TCP11L2: variants seen among roughly 807,000 people sequenced by gnomAD.
The protein encoded by TCP11L2 is t-complex 11 like 2.
Under a neutral mutation model 50.7 loss-of-function variants are expected in TCP11L2, and 39 were observed. The ratio of observed to expected loss-of-function variants is 0.77; its 90% CI spans 0.60 to 1.01. TCP11L2 has a LOEUF of 1.01. Ranked by LOEUF, TCP11L2 falls within the 50% of genes least tolerant of loss-of-function variation. The pLI is 0.00. For missense variants in TCP11L2, 612 were observed against 614.7 expected (o/e 1.00, Z 0.05); for synonymous variants, 192 against 219.3 (o/e 0.88, Z 1.10).
In TCP11L2 at chr12:106,323,578, C is replaced by T. The variant is rs144695471; in HGVS notation, c.704C>T (p.Pro235Leu). The T allele has an allele frequency of 3.6e-4, 572 of 1,607,604 alleles. 1 individual carries two copies. Among genetic ancestry groups the T allele is most frequent in the Admixed American group, 4.2e-4 (25 of 58,858 alleles). ...AATTTTACAATTATGAGTCTCAGAC[C>T]GCACCTTCAACGCCAGTTGGTGGAA... ...MANFTIMSLR[P>L]HLQRQLVEYE... The change falls in exon 6 of 10, where the codon CCG becomes CTG. Residue 235 changes from proline to leucine, a missense_variant. By Grantham distance (98) the Pro-to-Leu change is moderately conservative. Transcript: ENST00000299045.
chr12:106,318,422 T>A lies in TCP11L2; in HGVS notation c.372T>A (p.Pro124=). The A allele has an allele frequency of 6.2e-7, 1 of 1,614,096 alleles. No individual in the cohort carries two copies. Among genetic ancestry groups the A allele is most frequent in the East Asian group, 2.2e-5 (1 of 44,886 alleles). The change falls in exon 4 of 10, where the codon CCT becomes CCA. Residue 124 remains proline (P), a synonymous_variant. Transcript: ENST00000299045. The part of the protein sequence containing the change: ...VLDSELNADP[P]EFEHAIKLFE... ...ATTCAGAACTAAATGCTGACCCTCC[T>A]GAGTTTGAACATGCCATCAAACTGT...
chr12:106,335,609 A>G lies in TCP11L2; in HGVS notation c.773-30A>G, dbSNP rs776988891. The G allele has an allele frequency of 8.1e-6, 13 of 1,608,356 alleles. No homozygotes were observed. In the South Asian group the frequency reaches 1.4e-4, roughly 18 times the overall value. The stretch of plus-strand genomic sequence containing the variant: ...ACCAGTGAAGGGATCAATCAGCTGT[A>G]GAACAAATATGTGGCCTTTTCACTC... On this transcript the variant is annotated intron_variant, in intron 6 of 9. Transcript: ENST00000299045.
At chr12:106,322,936 G>A (rs2035395328) in intron 5 of TCP11L2, among the ~76,000 whole-genome samples, 1 of 152,150 alleles carries the variant, frequency 6.6e-6, no homozygotes, top group African/African-American at 2.4e-5. Context: ...AGCGCCCACT[G>A]GGTGCCACTG....
intron 9 of TCP11L2, 63 bp downstream of exon 9, chr12:106,341,061 A>C: frequency 7.1e-7 from 1 of 1,403,094 alleles, no homozygotes; most frequent in Non-Finnish European, 9.7e-7. Context: ...ATTTTGACTA[A>C]CATTAAGTCA....
rs2034988939 is a variant in TCP11L2, at chr12:106,314,464, A to G, written c.264A>G (p.Gln88=). 16 of 1,613,294 alleles carry G rather than the reference A, an allele frequency of 9.9e-6. No individual in the cohort carries two copies. The highest frequency in any genetic ancestry group is 1.4e-5 in the Non-Finnish European group (16 of 1,179,548). ...AGATTGCTGTAAATGAGAACTTTCAATTGAAACAAGAGGCTCTCCCAGAAA... is the reference window on the plus strand; with the variant it reads ...AGATTGCTGTAAATGAGAACTTTCAGTTGAAACAAGAGGCTCTCCCAGAAA... ...AHEIAVNENF[Q]LKQEALPEKS... Residue 88 remains glutamine (Q), a synonymous_variant, in exon 3 of 10, where the codon CAA becomes CAG. Coordinates refer to ENST00000299045, the MANE Select transcript of TCP11L2 (RefSeq NM_152772.3).
intron 9 of TCP11L2, among the ~76,000 whole-genome samples, chr12:106,341,415 G>A (rs1421742229): frequency 2.0e-5 from 3 of 150,832 alleles, no homozygotes; most frequent in Non-Finnish European, 3.0e-5. Flanking sequence ...GAGACATAGT[G>A]TGTAGGCTTC....
chr12:106,343,685 T>A (rs1017762418), intron 9 of TCP11L2, among the ~76,000 whole-genome samples: 1 of 151,748 alleles, frequency 6.6e-6, no homozygotes. Flanking sequence ...GATGGAGTCT[T>A]GCTCTGTCGC....
intron 2 of TCP11L2, chr12:106,312,368 A>G (rs1010526593): frequency 8.9e-6 from 11 of 1,237,166 alleles, no homozygotes; most frequent in Non-Finnish European, 1.1e-5. Flanking sequence ...GGACCAAAGT[A>G]TATAGACATT....
chr12:106,311,640 A>T (rs1420277999), intron 2 of TCP11L2, among the ~76,000 whole-genome samples: 1 of 152,212 alleles, frequency 6.6e-6, no homozygotes, highest in Non-Finnish European at 1.5e-5. Context: ...GAAGGAAGTG[A>T]AATAATCTAA....
intron 6 of TCP11L2, among the ~76,000 whole-genome samples, chr12:106,330,730 G>A (rs1466289046): frequency 6.6e-6 from 1 of 152,166 alleles, no homozygotes; most frequent in Non-Finnish European, 1.5e-5. Flanking sequence ...GCTAGTCATG[G>A]CTGCTGGTGG....
chr12:106,311,002 A>G (rs1428451642), intron 1 of TCP11L2, 39 bp from the exon 2 acceptor site: 16 of 1,505,440 alleles, frequency 1.1e-5, no homozygotes, highest in Non-Finnish European at 1.5e-5. Flanking sequence ...CTGTGGAAGT[A>G]CCACAGAACA....
chr12:106,339,955 T>C (rs2036039973), intron 8 of TCP11L2, among the ~76,000 whole-genome samples: 1 of 152,246 alleles, frequency 6.6e-6, no homozygotes, highest in Admixed American at 6.5e-5. Flanking sequence ...ATGTGCCTGA[T>C]AATCTGCTAA....
At chr12:106,329,157 T>C (rs1346340512) in intron 6 of TCP11L2, among the ~76,000 whole-genome samples, 1 of 152,194 alleles carries the variant, frequency 6.6e-6, no homozygotes, top group African/African-American at 2.4e-5. Flanking sequence ...ATACCATTGC[T>C]TGTTCTGGTG....
At chr12:106,335,899 CTG>C (rs1302488246) in intron 7 of TCP11L2, 73 bp downstream of exon 7, 8 of 1,553,380 alleles carry the variant, frequency 5.2e-6, no homozygotes, top group Non-Finnish European at 6.1e-6. Context: ...ATCATCTGGT[CTG>C]TGTTTCATGT....
intron 2 of TCP11L2, among the ~76,000 whole-genome samples, chr12:106,313,722 A>G (rs994551701): frequency 3.3e-5 from 5 of 151,518 alleles, no homozygotes; most frequent in Non-Finnish European, 5.9e-5. Flanking sequence ...AATACATATA[A>G]TAAGTGCAGA....
chr12:106,304,992 G>A (rs543765412), intron 1 of TCP11L2, among the ~76,000 whole-genome samples: 8 of 152,278 alleles, frequency 5.3e-5, no homozygotes, highest in African/African-American at 1.9e-4. Flanking sequence ...ACATGTGCAA[G>A]TGTCCACAGG....
At chr12:106,310,381 A>C (rs2034808536) in intron 1 of TCP11L2, among the ~76,000 whole-genome samples, 1 of 152,198 alleles carries the variant, frequency 6.6e-6, no homozygotes, top group Admixed American at 6.5e-5. Context: ...GTTCATGTGG[A>C]AATGGAGGGG....
chr12:106,322,119 C>T (rs1322216632), intron 5 of TCP11L2, among the ~76,000 whole-genome samples: 1 of 152,186 alleles, frequency 6.6e-6, no homozygotes, highest in Non-Finnish European at 1.5e-5. Flanking sequence ...TGCTATAACA[C>T]ATAAACCCTA....
intron 1 of TCP11L2, among the ~76,000 whole-genome samples, chr12:106,307,604 C>G (rs116580805): frequency 1.2e-4 from 19 of 152,288 alleles, no homozygotes; most frequent in African/African-American, 3.6e-4. Flanking sequence ...CTTGGAAACT[C>G]AAGACCGAGA....
Sources: allele counts gnomAD v4.1 joint callset (sites outside exome capture counted in the v4.1 genomes callset), GRCh38; gene constraint gnomAD v4.1.1; transcripts MANE v1.5; gene names NCBI Gene and HGNC (gene_info 2026-07-23, HGNC 2026-07-21).